The following GABRR1 variants were observed in gnomAD, a reference collection of about 807,000 sequenced individuals.
GABRR1 encodes gamma-aminobutyric acid type A receptor subunit rho1.
A neutral mutation model predicts 55.5 loss-of-function variants in GABRR1; 59 were observed. The observed-to-expected ratio is 1.06, with a 90% CI of 0.86 to 1.32. GABRR1 has a LOEUF of 1.32. GABRR1 is among the 40% of genes most tolerant of loss of function. The pLI, the probability that GABRR1 is intolerant of heterozygous loss-of-function variation, is 0.00. For synonymous variants in GABRR1, 213 were observed against 226.0 expected, an observed-to-expected ratio of 0.94 and a Z score of 0.51; for missense variants, 602 against 619.1, an observed-to-expected ratio of 0.97 and a Z score of 0.29.
At chr6:89,185,547 C>T in intron 6 of GABRR1, 97 bp from the exon 7 acceptor site, 1 of 1,008,740 alleles carries the variant, frequency 9.9e-7, no homozygotes, top group Non-Finnish European at 1.5e-6. Flanking sequence ...CCCACACTGA[C>T]TACTGGGATT....
In GABRR1 at chr6:89,178,862, T is replaced by C; in HGVS notation, c.1348A>G (p.Ile450Val). Residue 450 changes from isoleucine (I) to valine (V), a missense_variant, in exon 10 of 10, where the codon ATC (isoleucine) becomes GTC (valine). Physicochemically the swap from Ile to Val is conservative, Grantham distance 29. This residue lies in a region of GABRR1 where 139 missense variants were observed against 141.1 expected (regional missense o/e 0.99). Coordinates refer to ENST00000454853, the MANE Select transcript of GABRR1 (RefSeq NM_002042.5). ...SQRSSYVSMR[I>V]DTHAIDKYSR... is the part of the protein sequence containing the mutation. ...TATTTATCAATGGCGTGGGTGTCGA[T>C]TCTCATGCTCACATAGCTGCTTCTC... The C allele has an allele frequency of 6.2e-7, 1 of 1,614,194 alleles. No homozygotes were observed. Among genetic ancestry groups the C allele is most frequent in the Non-Finnish European group, 8.5e-7 (1 of 1,180,022 alleles).
Position 89,201,158 on chromosome 6 carries a change from C to T in GABRR1, c.280+1G>A. ...ACACCCTGAGAGCACACATCCCATA[C>T]CTCCAAAGCCAGGCCTCATGCTGAA... On this transcript the variant is annotated splice_donor_variant, in intron 3 of 9. Coordinates refer to ENST00000454853, the MANE Select transcript of GABRR1 (RefSeq NM_002042.5). LOFTEE classifies it high-confidence loss of function. 5.6e-6 allele frequency: 9 copies of T among 1,610,438 alleles called. No individual in the cohort carries two copies. Among genetic ancestry groups the T allele is most frequent in the South Asian group, 1.1e-5 (1 of 90,974 alleles).
intron 2 of GABRR1, among the ~76,000 whole-genome samples, 180 bp from the exon 3 acceptor site, chr6:89,201,445 C>A (rs1198353473): frequency 6.6e-6 from 1 of 152,176 alleles, no homozygotes; most frequent in Non-Finnish European, 1.5e-5. Flanking sequence ...CCCAGAAGGT[C>A]CAAGACATTG....
chr6:89,209,846 A>AC (rs1772768928), intron 1 of GABRR1, among the ~76,000 whole-genome samples: 1 of 152,066 alleles, frequency 6.6e-6, no homozygotes, highest in Non-Finnish European at 1.5e-5. Context: ...TTCCTATAAG[A>AC]TGGGGGGAAT....
chr6:89,212,769 A>G (rs1164667146), intron 1 of GABRR1, among the ~76,000 whole-genome samples: 1 of 152,110 alleles, frequency 6.6e-6, no homozygotes, highest in East Asian at 1.9e-4. Flanking sequence ...CCCAGGCTCA[A>G]GCCATTCTCC....
intron 5 of GABRR1, among the ~76,000 whole-genome samples, chr6:89,195,906 A>G (rs963239132): frequency 6.6e-6 from 1 of 152,182 alleles, no homozygotes; most frequent in Non-Finnish European, 1.5e-5. Flanking sequence ...AACACTACAA[A>G]TCAGGGCTTG....
intron 1 of GABRR1, among the ~76,000 whole-genome samples, chr6:89,226,227 C>G (rs1325484183): frequency 6.7e-6 from 1 of 149,486 alleles, no homozygotes; most frequent in Non-Finnish European, 1.5e-5. Flanking sequence ...CCTGTTCACT[C>G]TGATGGTAGT....
At chr6:89,226,131 A>C (rs1773199585) in intron 1 of GABRR1, among the ~76,000 whole-genome samples, 1 of 151,670 alleles carries the variant, frequency 6.6e-6, no homozygotes, top group South Asian at 2.1e-4. Flanking sequence ...TTTCTTGTAA[A>C]TTTGTTTGAG....
intron 9 of GABRR1, among the ~76,000 whole-genome samples, chr6:89,180,053 G>A (rs1373393336): frequency 6.7e-6 from 1 of 149,178 alleles, no homozygotes; most frequent in Non-Finnish European, 1.5e-5. Context: ...ACTAAGACCT[G>A]GTCCAAGTAT....
At chr6:89,198,286 AC>A (rs1772365403) in intron 4 of GABRR1, 43 bp from the exon 5 acceptor site, 1 of 1,360,736 alleles carries the variant, frequency 7.3e-7, no homozygotes, top group Admixed American at 1.7e-5. Context: ...ACACACACAA[AC>A]CCACTGAGAT....
intron 4 of GABRR1, among the ~76,000 whole-genome samples, chr6:89,198,902 G>A (rs1048696237): frequency 2.6e-5 from 4 of 151,948 alleles, no homozygotes; most frequent in African/African-American, 9.7e-5. Flanking sequence ...AACTAAGGTA[G>A]GTCCCTAAAA....
In GABRR1 at chr6:89,199,398, C is replaced by G; in HGVS notation, c.312G>C (p.Gln104His). The G allele has an allele frequency of 6.2e-7, 1 of 1,614,076 alleles. No individual in the cohort carries two copies. Among genetic ancestry groups the G allele is most frequent in the Non-Finnish European group, 8.5e-7 (1 of 1,179,956 alleles). Residue 104 changes from glutamine (Q) to histidine (H), a missense_variant, in exon 4 of 10, where the codon CAG becomes CAC. Gln to His is a conservative substitution (Grantham distance 24). Transcript: ENST00000454853. Reference sequence around the variant, plus strand: ...CTGAGATGCTATCCAAACTCTCCACCTGCACATCCACACCAACAGGAATGG... The same window carrying G: ...CTGAGATGCTATCCAAACTCTCCACGTGCACATCCACACCAACAGGAATGG... ...GPAIPVGVDV[Q>H]VESLDSISEV...
chr6:89,189,588 C>A (rs1772022163), intron 6 of GABRR1, among the ~76,000 whole-genome samples: 1 of 144,566 alleles, frequency 6.9e-6, no homozygotes, highest in Non-Finnish European at 1.5e-5. Context: ...GTGCAGCGCA[C>A]CAGCATGGCA....
intron 5 of GABRR1, among the ~76,000 whole-genome samples, chr6:89,191,729 G>A (rs999302828): frequency 6.6e-6 from 1 of 152,110 alleles, no homozygotes; most frequent in African/African-American, 2.4e-5. Flanking sequence ...GGCAGGTCCC[G>A]TGGCTCTTCT....
chr6:89,212,526 C>A (rs1772861784), intron 1 of GABRR1, among the ~76,000 whole-genome samples: 1 of 152,196 alleles, frequency 6.6e-6, no homozygotes, highest in South Asian at 2.1e-4. Context: ...TAATGTACTT[C>A]CAGCTTCTGG....
intron 4 of GABRR1, 78 bp downstream of exon 4, chr6:89,199,284 T>A: frequency 7.9e-7 from 1 of 1,258,662 alleles, no homozygotes; most frequent in South Asian, 1.2e-5. Flanking sequence ...ACTAAGTGAA[T>A]TCAGGTGCGT....
At chr6:89,223,655 A>G (rs1372177195) in intron 1 of GABRR1, among the ~76,000 whole-genome samples, 1 of 150,426 alleles carries the variant, frequency 6.6e-6, no homozygotes, top group Non-Finnish European at 1.5e-5. Context: ...GTACTAGTTT[A>G]CATTCCCATC....
At chr6:89,229,465 C>CA (rs1377210783) in intron 1 of GABRR1, among the ~76,000 whole-genome samples, 1 of 148,728 alleles carries the variant, frequency 6.7e-6, no homozygotes, top group Non-Finnish European at 1.5e-5. Context: ...CTGGTGGTGA[C>CA]AAAATCTCTC....
intron 6 of GABRR1, 105 bp downstream of exon 6, chr6:89,190,060 G>C: frequency 1.6e-6 from 1 of 634,908 alleles, no homozygotes; most frequent in South Asian, 3.0e-5. Flanking sequence ...AAAAAAAAAA[G>C]TCTACTCATG....
Sources: allele counts gnomAD v4.1 joint callset (sites outside exome capture counted in the v4.1 genomes callset), GRCh38; gene constraint gnomAD v4.1.1; regional missense constraint gnomAD v4.1.1; transcripts MANE v1.5; gene names NCBI Gene and HGNC (gene_info 2026-07-23, HGNC 2026-07-21).